The following SH3D19 variants were observed in gnomAD, a reference collection of about 807,000 sequenced individuals.
SH3D19 encodes SH3 domain-containing protein 19.
Under a neutral mutation model 112.1 loss-of-function variants are expected in SH3D19, and 58 were observed. The observed-to-expected ratio is 0.52, with a 90% CI of 0.42 to 0.64. The LOEUF (loss-of-function observed/expected upper bound fraction) is 0.64, where lower values mean the gene tolerates loss of function less well. Ranked by LOEUF, SH3D19 falls within the 30% of genes least tolerant of loss-of-function variation. The pLI is 0.00. For synonymous variants in SH3D19, 391 were observed against 448.5 expected, an observed-to-expected ratio of 0.87 and a Z score of 1.62; for missense variants, 1,090 against 1,263.4, an observed-to-expected ratio of 0.86 and a Z score of 2.08.
At chr4:151,277,263 G>T in intron 1 of SH3D19, 1 of 1,442,260 alleles carries the variant, frequency 6.9e-7, no homozygotes, top group Non-Finnish European at 9.3e-7. Context: ...AGAGGCAGAG[G>T]ATTTTTACTA....
Position 151,175,222 on chromosome 4 carries a change from CAGT to C in SH3D19, c.979_981del (p.Thr327del). 6.2e-7 allele frequency: 1 copy of C among 1,614,206 alleles called. No homozygotes were observed. On this transcript the variant is annotated inframe_deletion, in exon 7 of 20. Coordinates refer to ENST00000604030, the MANE Select transcript of SH3D19 (RefSeq NM_001378122.1). Reference sequence around the variant, plus strand: ...GCTACAGAAGGTTTCCCTGAGGAAACAGTAGGCTTTGGAGGAAGTGAACGTGGA... The same window carrying C: ...GCTACAGAAGGTTTCCCTGAGGAAACAGGCTTTGGAGGAAGTGAACGTGGA...
rs1320065634 is a variant in SH3D19, at chr4:151,121,984, T to C, written c.*107A>G. On this transcript the variant is annotated 3_prime_UTR_variant, in exon 20 of 20. Coordinates refer to ENST00000604030, the MANE Select transcript of SH3D19 (RefSeq NM_001378122.1). ...AAATTCTAGTGTACCATGTACAGCT[T>C]AGATATTTCTTTTTCAGTTAAAAAA... is the stretch of plus-strand genomic sequence containing the variant. 1.5e-6 allele frequency: 1 copy of C among 679,064 alleles called. No homozygotes were observed. Among genetic ancestry groups the C allele is most frequent in the East Asian group, 2.5e-5 (1 of 39,976 alleles). 42.1% of individuals were successfully genotyped at this position (679,064 alleles called of 1,614,324 possible).
At chr4:151,212,518 A>C (rs1346040629) in intron 2 of SH3D19, among the ~76,000 whole-genome samples, 1 of 152,244 alleles carries the variant, frequency 6.6e-6, no homozygotes, top group Non-Finnish European at 1.5e-5. Context: ...TGGAACAACA[A>C]AGCCTAGATG....
At chr4:151,188,194 A>G (rs1762083769) in intron 2 of SH3D19, among the ~76,000 whole-genome samples, 1 of 152,212 alleles carries the variant, frequency 6.6e-6, no homozygotes, top group Admixed American at 6.5e-5. Flanking sequence ...TTATAGGAGC[A>G]AAAAATTGAC....
intron 1 of SH3D19, chr4:151,291,080 C>A: frequency 6.7e-7 from 1 of 1,500,994 alleles, no homozygotes. Flanking sequence ...CTTTATGCCT[C>A]TTTTCACTAT....
chr4:151,226,284 C>T (rs1215443168), intron 1 of SH3D19, 198 bp from the exon 2 acceptor site: 1 of 1,218,598 alleles, frequency 8.2e-7, no homozygotes, highest in East Asian at 3.2e-5. Context: ...GGCATAAAAG[C>T]TTACGGTTTG....
At position 151,175,620 on chromosome 4, in the gene SH3D19, T is replaced by C. The variant is rs943150089; in HGVS notation, c.584A>G (p.Asn195Ser). 4.0e-5 allele frequency: 52 copies of C among 1,313,604 alleles called. No homozygotes were observed. Among genetic ancestry groups the C allele is most frequent in the Non-Finnish European group, 4.8e-5 (50 of 1,037,750 alleles). 81.4% of individuals were successfully genotyped at this position (1,313,604 alleles called of 1,614,324 possible). ...TAAAGGTGCCACATTTGTTGGAAGA[T>C]TGCCAGACGAGACTGCTGAGAAAGG... Reference protein sequence around the residue: ...LQPFSAVSSGNLPTNVAPLIV... With the variant: ...LQPFSAVSSGSLPTNVAPLIV... The change falls in exon 7 of 20, where the codon AAT becomes AGT. Residue 195 changes from asparagine (N) to serine (S), a missense_variant. Transcript: ENST00000604030.
At chr4:151,129,582 C>T (rs1750172261) in intron 17 of SH3D19, among the ~76,000 whole-genome samples, 1 of 152,178 alleles carries the variant, frequency 6.6e-6, no homozygotes, top group African/African-American at 2.4e-5. Flanking sequence ...GTTGGCCAGG[C>T]TGGTCTCGAA....
intron 1 of SH3D19, chr4:151,262,444 C>T (rs1445847140): frequency 6.6e-6 from 1 of 152,238 alleles, no homozygotes; most frequent in Non-Finnish European, 1.5e-5. Flanking sequence ...AAGCTATGAT[C>T]TGCTCCAAGC....
In SH3D19 at chr4:151,225,971, C is replaced by T. The variant is rs1354269943; in HGVS notation, c.152+76G>A. ...CAATAGACAGTAACTCTAAAGAGGACACTTACATTGCTTCCAAACAATACT... is the reference window on the plus strand; with the variant it reads ...CAATAGACAGTAACTCTAAAGAGGATACTTACATTGCTTCCAAACAATACT... On this transcript the variant is annotated intron_variant, in intron 2 of 19. Transcript: ENST00000604030. 7.2e-6 allele frequency: 7 copies of T among 969,460 alleles called. No homozygotes were observed. In the Admixed American group the frequency reaches 3.0e-4, roughly 42 times the overall value. The allele number at this position is 969,460 out of a possible 1,614,324, so 60.1% of individuals were successfully genotyped here. A position where few individuals can be genotyped will look rare whatever the true frequency, so the allele number is the denominator to read the frequency against.
intron 7 of SH3D19, among the ~76,000 whole-genome samples, chr4:151,169,951 T>C (rs1297026633): frequency 2.0e-5 from 3 of 152,094 alleles, no homozygotes; most frequent in Non-Finnish European, 4.4e-5. Context: ...GAACCAGCTA[T>C]GATATACTAT....
At chr4:151,289,378 A>G (rs912460658) in intron 1 of SH3D19, among the ~76,000 whole-genome samples, 1 of 152,230 alleles carries the variant, frequency 6.6e-6, no homozygotes, top group Non-Finnish European at 1.5e-5. Flanking sequence ...AAAGTAGATT[A>G]GAGTTCTTCA....
At chr4:151,250,143 A>G (rs11099797) in intron 1 of SH3D19, among the ~76,000 whole-genome samples, 49,607 of 151,838 alleles carry the variant, frequency 0.33, 9,357 homozygotes, top group Non-Finnish European at 0.44. Context: ...ATACTTCCAC[A>G]TCAAACAATT....
At chr4:151,184,236 T>C (rs999247482) in intron 3 of SH3D19, among the ~76,000 whole-genome samples, 4 of 152,268 alleles carry the variant, frequency 2.6e-5, no homozygotes, top group Middle Eastern at 3.4e-3. Context: ...AGAATATCAC[T>C]TTAACAATGG....
rs537324079 is a variant in SH3D19, at chr4:151,132,289, T to C, written c.2742+42A>G. ...TGATTTTAATATTCCTCCCAGAGTC[T>C]GAACCTGGCTGTCACTATAGTCATC... On this transcript the variant is annotated intron_variant, in intron 17 of 19. Transcript: ENST00000604030. The C allele has an allele frequency of 3.9e-6, 6 of 1,536,928 alleles. No individual in the cohort carries two copies. The South Asian group carries it at 6.9e-5, about 18-fold the overall frequency.
At chr4:151,125,492 C>CT (rs1749029878) in intron 19 of SH3D19, among the ~76,000 whole-genome samples, 1 of 119,966 alleles carries the variant, frequency 8.3e-6, no homozygotes, top group Non-Finnish European at 1.6e-5. Context: ...AAAACAAAAC[C>CT]AAAAAAAAAA....
At chr4:151,223,301 G>T (rs959367665) in intron 2 of SH3D19, among the ~76,000 whole-genome samples, 21 of 150,892 alleles carry the variant, frequency 1.4e-4, no homozygotes, top group African/African-American at 4.9e-4. Flanking sequence ...CTATTACTTT[G>T]AGAATTACAA....
In SH3D19 at chr4:151,148,103, G is replaced by A. The variant is rs1439188737; in HGVS notation, c.1901C>T (p.Ala634Val). The A allele has an allele frequency of 6.2e-7, 1 of 1,614,004 alleles. No individual in the cohort carries two copies. The highest frequency in any genetic ancestry group is 1.7e-5 in the Admixed American group (1 of 59,992). The change falls in exon 11 of 20, where the codon GCA becomes GTA. Residue 634 changes from alanine to valine, a missense_variant. Transcript: ENST00000604030. ...CAGTTTCTTATTAGATCTTCTGGTTGCAGAAAGCTTTGGGGGAGGTGGTCT... is the reference window on the plus strand; with the variant it reads ...CAGTTTCTTATTAGATCTTCTGGTTACAGAAAGCTTTGGGGGAGGTGGTCT... The part of the protein sequence containing the change: ...PERPPPPKLS[A>V]TRRSNKKLPF...
intron 4 of SH3D19, among the ~76,000 whole-genome samples, chr4:151,179,015 C>T (rs1050328670): frequency 3.3e-5 from 5 of 152,118 alleles, no homozygotes; most frequent in African/African-American, 4.8e-5. Context: ...TCCTGTCATC[C>T]ATCCATTTGG....
Sources: allele counts gnomAD v4.1 joint callset (sites outside exome capture counted in the v4.1 genomes callset), GRCh38; gene constraint gnomAD v4.1.1; transcripts MANE v1.5; gene names NCBI Gene and HGNC (gene_info 2026-07-23, HGNC 2026-07-21).